The following ZFYVE28 variants were observed in gnomAD, a reference collection of about 807,000 sequenced individuals.
ZFYVE28 encodes lateral signaling target protein 2 homolog.
A neutral mutation model predicts 82.1 loss-of-function variants in ZFYVE28; 40 were observed. The observed-to-expected ratio is 0.49, with a 90% CI of 0.38 to 0.63. The LOEUF (loss-of-function observed/expected upper bound fraction) is 0.63, where lower values mean the gene tolerates loss of function less well. Among genes scored for constraint, ZFYVE28 ranks in the 30% least tolerant of loss-of-function variants. The probability of loss-of-function intolerance (pLI) is 0.00; values close to 1 mark genes in which losing one functional copy is unlikely to be tolerated. For synonymous variants in ZFYVE28, 612 were observed against 546.1 expected (o/e 1.12, Z -1.68); for missense variants, 1,321 against 1,242.1 (o/e 1.06, Z -0.96).
intron 8 of ZFYVE28, among the ~76,000 whole-genome samples, chr4:2,284,457 A>G (rs1033796644): frequency 3.9e-5 from 6 of 152,182 alleles, no homozygotes; most frequent in Admixed American, 1.3e-4. Flanking sequence ...CCCAGCTTTC[A>G]GAGGAAGCAT....
Position 2,304,172 on chromosome 4 carries a change from C to G in ZFYVE28, c.2051+117G>C, listed in dbSNP as rs576646242. 5 of 1,366,990 alleles carry G rather than the reference C, an allele frequency of 3.7e-6. No homozygotes were observed. In the East Asian group the frequency reaches 9.3e-5, roughly 25 times the overall value. The allele number at this position is 1,366,990 out of a possible 1,614,324, so 84.7% of individuals were successfully genotyped here. ...CCCCACACTCGGCCAGGGCCCAGCA[C>G]CTGCCGGTGGCCAAGATGGCTCAGG... On this transcript the variant is annotated intron_variant, in intron 8 of 12. Transcript: ENST00000290974.
In ZFYVE28 at chr4:2,417,081, G is replaced by A. The variant is rs937183259; in HGVS notation, c.39+1204C>T. Among the ~76,000 whole-genome samples, 1 of 152,232 alleles carries A rather than the reference G, an allele frequency of 6.6e-6. No homozygotes were observed. The highest frequency in any genetic ancestry group is 1.5e-5 in the Non-Finnish European group (1 of 68,044). ...GGTGGAGGCGGAGGCCTGGGACGCTGGACGGAGAAAGGCGGCCAGTGGAGG... is the reference window on the plus strand; with the variant it reads ...GGTGGAGGCGGAGGCCTGGGACGCTAGACGGAGAAAGGCGGCCAGTGGAGG... On this transcript the variant is annotated intron_variant, in intron 1 of 12. Coordinates refer to ENST00000290974, the MANE Select transcript of ZFYVE28 (RefSeq NM_020972.3). This position sits in a 1 kb window ranked among gnomAD's most constrained non-coding sequence, Gnocchi z 4.8.
chr4:2,275,468 G>A (rs1048186501), intron 8 of ZFYVE28, among the ~76,000 whole-genome samples: 10 of 152,140 alleles, frequency 6.6e-5, no homozygotes, highest in Non-Finnish European at 1.3e-4. Flanking sequence ...ATTTACTGCT[G>A]TTACTGTCGT....
chr4:2,413,972 C>A (rs1732778589), intron 1 of ZFYVE28, among the ~76,000 whole-genome samples: 1 of 152,232 alleles, frequency 6.6e-6, no homozygotes, highest in Non-Finnish European at 1.5e-5. Context: ...GTGGGGAGCC[C>A]CAAAAGGAGG....
intron 8 of ZFYVE28, among the ~76,000 whole-genome samples, chr4:2,279,971 A>G (rs1464781902): frequency 6.6e-6 from 1 of 152,172 alleles, no homozygotes; most frequent in Admixed American, 6.6e-5. Flanking sequence ...AGACAGTGAT[A>G]TTGGCTGTAC....
At chr4:2,347,119 G>C (rs1014257923) in intron 2 of ZFYVE28, among the ~76,000 whole-genome samples, 4 of 152,140 alleles carry the variant, frequency 2.6e-5, no homozygotes, top group Non-Finnish European at 4.4e-5. Context: ...CCAATCAAAA[G>C]AAAGCTGGAG....
intron 3 of ZFYVE28, among the ~76,000 whole-genome samples, chr4:2,340,327 G>A (rs538606839): frequency 7.9e-5 from 12 of 152,034 alleles, no homozygotes; most frequent in East Asian, 5.8e-4. Context: ...GCTCCCCAGC[G>A]TGCGCTCAGC....
chr4:2,274,271 G>A, intron 8 of ZFYVE28, 55 bp from the exon 9 acceptor site: 1 of 1,573,992 alleles, frequency 6.4e-7, no homozygotes, highest in South Asian at 1.1e-5. Context: ...AGGGGCCGTG[G>A]AGCCCGAAGG....
chr4:2,373,445 G>A (rs1727783896), intron 1 of ZFYVE28, among the ~76,000 whole-genome samples: 1 of 152,130 alleles, frequency 6.6e-6, no homozygotes, highest in Non-Finnish European at 1.5e-5. Context: ...GCAACATTGA[G>A]CCATGATCAC....
intron 1 of ZFYVE28, among the ~76,000 whole-genome samples, chr4:2,368,534 G>A (rs1314795465): frequency 2.6e-5 from 4 of 151,936 alleles, no homozygotes; most frequent in Admixed American, 6.6e-5. Flanking sequence ...CCCCTTCATC[G>A]ACTTTATCTC....
chr4:2,304,216 T>C, intron 8 of ZFYVE28, 73 bp downstream of exon 8: 8 of 1,490,398 alleles, frequency 5.4e-6, no homozygotes, highest in Non-Finnish European at 7.1e-6. Flanking sequence ...CTGCAATGCT[T>C]GGAGAATGCG....
intron 1 of ZFYVE28, among the ~76,000 whole-genome samples, chr4:2,365,196 T>G (rs1726728936): frequency 6.6e-6 from 1 of 150,520 alleles, no homozygotes. Context: ...GGGGTCAGGG[T>G]CTCCACATCT....
intron 8 of ZFYVE28, among the ~76,000 whole-genome samples, chr4:2,283,425 A>C: frequency 1.8e-5 from 2 of 112,904 alleles, no homozygotes; most frequent in African/African-American, 3.5e-5. Context: ...CCACCCATCC[A>C]TCCACCCATC....
intron 1 of ZFYVE28, among the ~76,000 whole-genome samples, chr4:2,374,842 A>G (rs10032555): frequency 0.67 from 101,073 of 151,542 alleles, 34,013 homozygotes; most frequent in East Asian, 0.8. Flanking sequence ...TTCTTAGGAC[A>G]TATCTTTGTA....
chr4:2,356,374 C>T (rs968878002), intron 1 of ZFYVE28, among the ~76,000 whole-genome samples: 3 of 151,724 alleles, frequency 2.0e-5, no homozygotes. Flanking sequence ...ACCTGGGACA[C>T]AGCCCAGAGC....
At chr4:2,382,526 C>T (rs1004643331) in intron 1 of ZFYVE28, among the ~76,000 whole-genome samples, 5 of 152,164 alleles carry the variant, frequency 3.3e-5, no homozygotes, top group African/African-American at 9.7e-5. Flanking sequence ...CGCTGGATTT[C>T]GGACTTGCAT....
At chr4:2,273,846 G>A (rs1029102756) in intron 9 of ZFYVE28, among the ~76,000 whole-genome samples, 5 of 151,878 alleles carry the variant, frequency 3.3e-5, no homozygotes, top group Non-Finnish European at 7.4e-5. Flanking sequence ...GGAGGAAAAC[G>A]CCTCCCACCC....
intron 1 of ZFYVE28, chr4:2,364,861 G>A (rs1233118324): frequency 1.0e-6 from 1 of 985,526 alleles, no homozygotes; most frequent in East Asian, 1.1e-4. Context: ...ACGTCGCCGC[G>A]GCAAAGTCGC....
At chr4:2,317,416 T>C (rs1718387853) in intron 7 of ZFYVE28, among the ~76,000 whole-genome samples, 1 of 152,236 alleles carries the variant, frequency 6.6e-6, no homozygotes, top group Non-Finnish European at 1.5e-5. Flanking sequence ...ATGAGGTCCA[T>C]TGTTGCATTC....
Sources: gnomAD v4.1 joint callset for allele counts (sites outside exome capture counted in the v4.1 genomes callset) on GRCh38, gnomAD v4.1.1 for gene constraint, Gnocchi (gnomAD v3.1) non-coding constraint, MANE v1.5 for transcripts, NCBI Gene and HGNC (gene_info 2026-07-23, HGNC 2026-07-21) for gene names.